The following FALEC variants were observed in gnomAD, a reference collection of about 807,000 sequenced individuals.
FALEC encodes the protein focally amplified lncRNA on chromosome 1.
the FALEC span, among the ~76,000 whole-genome samples, chr1:150,529,016 CAAAAAAAAAAAA>C: frequency 1.7e-5 from 1 of 59,288 alleles, no homozygotes; most frequent in Middle Eastern, 0.015. Context: ...AAATAAATAG[CAAAAAAAAAAAA>C]AAAAAAAAAA....
At chr1:150,533,877 A>G in the FALEC span, among the ~76,000 whole-genome samples, 108 of 152,320 alleles carry the variant, frequency 7.1e-4, no homozygotes, top group East Asian at 0.019. Flanking sequence ...TATTTTAATA[A>G]GGATGTTCAG....
downstream of FALEC, among the ~76,000 whole-genome samples, chr1:150,521,495 T>C (rs1670642765): frequency 6.6e-6 from 1 of 152,244 alleles, no homozygotes; most frequent in Non-Finnish European, 1.5e-5. Context: ...GATATGTCAA[T>C]TGATCATTTG....
the FALEC span, among the ~76,000 whole-genome samples, chr1:150,535,226 AT>A: frequency 6.6e-6 from 1 of 152,030 alleles, no homozygotes; most frequent in South Asian, 2.1e-4. Flanking sequence ...CAGTATTTTT[AT>A]GCCAAATCTT....
downstream of FALEC, among the ~76,000 whole-genome samples, chr1:150,522,867 G>GTATA: frequency 1.5e-5 from 1 of 68,128 alleles, no homozygotes; most frequent in African/African-American, 4.7e-5. Context: ...ATATATATAC[G>GTATA]TATATATACA....
At chr1:150,535,134 G>T in the FALEC span, among the ~76,000 whole-genome samples, 6 of 152,202 alleles carry the variant, frequency 3.9e-5, no homozygotes, top group African/African-American at 1.2e-4. Flanking sequence ...AATTGGGACT[G>T]TTGCATAGCT....
chr1:150,523,349 T>A, the FALEC span, among the ~76,000 whole-genome samples: 389 of 151,466 alleles, frequency 2.6e-3, 2 homozygotes, highest in African/African-American at 8.8e-3. Context: ...GTTACTAAAA[T>A]TTTTTTAAAT....
chr1:150,532,682 C>A, the FALEC span, among the ~76,000 whole-genome samples: 2 of 152,026 alleles, frequency 1.3e-5, no homozygotes, highest in East Asian at 1.9e-4. Flanking sequence ...ATAGTGTGTG[C>A]GCCAGGCCCT....
the FALEC span, among the ~76,000 whole-genome samples, chr1:150,525,948 G>GT: frequency 1.3e-5 from 2 of 152,102 alleles, no homozygotes; most frequent in African/African-American, 4.8e-5. Context: ...AGCCATGTAC[G>GT]TTTTATGTAA....
chr1:150,530,161 C>A, the FALEC span, among the ~76,000 whole-genome samples: 1 of 152,132 alleles, frequency 6.6e-6, no homozygotes, highest in Non-Finnish European at 1.5e-5. Flanking sequence ...AGCTACTTAG[C>A]TCCTCAGTTT....
At chr1:150,525,480 A>G in the FALEC span, among the ~76,000 whole-genome samples, 1 of 151,224 alleles carries the variant, frequency 6.6e-6, no homozygotes, top group Non-Finnish European at 1.5e-5. Context: ...AAACAAACAA[A>G]AAGCATACAG....
the FALEC span, among the ~76,000 whole-genome samples, chr1:150,536,640 A>G: frequency 1.3e-5 from 2 of 152,170 alleles, no homozygotes; most frequent in Non-Finnish European, 2.9e-5. Context: ...AATTAAAAAT[A>G]TTAGCTGGAC....
At chr1:150,518,056 C>T (rs1670593619), downstream of FALEC, 1 of 152,086 alleles carries the variant, frequency 6.6e-6, no homozygotes. Context: ...AATTCAGCTT[C>T]AAAAATGAAT....
chr1:150,534,341 A>G, the FALEC span, among the ~76,000 whole-genome samples: 1 of 152,190 alleles, frequency 6.6e-6, no homozygotes, highest in East Asian at 1.9e-4. Context: ...TCCTCTGAGC[A>G]TGCCCCAAGC....
At chr1:150,528,759 T>C in the FALEC span, among the ~76,000 whole-genome samples, 2 of 151,736 alleles carry the variant, frequency 1.3e-5, no homozygotes, top group Non-Finnish European at 2.9e-5. Context: ...TAATTTTCTT[T>C]CGTATTTTTA....
At chr1:150,524,231 C>A in the FALEC span, among the ~76,000 whole-genome samples, 1 of 152,142 alleles carries the variant, frequency 6.6e-6, no homozygotes, top group African/African-American at 2.4e-5. Context: ...CTCACTGCAG[C>A]CTTGAACTCA....
At chr1:150,525,499 GA>G in the FALEC span, among the ~76,000 whole-genome samples, 9 of 149,096 alleles carry the variant, frequency 6.0e-5, no homozygotes, top group South Asian at 2.1e-4. Context: ...AGTTCAACTG[GA>G]AAAAAAAAAT....
downstream of FALEC, among the ~76,000 whole-genome samples, chr1:150,522,511 TACTC>T (rs949224151): frequency 1.2e-4 from 18 of 151,018 alleles, no homozygotes; most frequent in African/African-American, 4.4e-4. Context: ...TAGTCCCAGC[TACTC>T]AGGAGGCTGA....
chr1:150,536,748 C>A, the FALEC span, among the ~76,000 whole-genome samples: 2 of 152,140 alleles, frequency 1.3e-5, no homozygotes, highest in Non-Finnish European at 2.9e-5. Context: ...GTGATCACAC[C>A]ACTGCACTTC....
chr1:150,527,863 G>GTAAA, the FALEC span, among the ~76,000 whole-genome samples: 39 of 152,118 alleles, frequency 2.6e-4, 1 homozygote, highest in South Asian at 4.1e-4. Context: ...AAATGTATAA[G>GTAAA]TAAATAAATA....
Sources: gnomAD v4.1 joint callset for allele counts (sites outside exome capture counted in the v4.1 genomes callset) on GRCh38, gnomAD v4.1.1 for gene constraint, MANE v1.5 for transcripts, NCBI Gene and HGNC (gene_info 2026-07-23, HGNC 2026-07-21) for gene names.